Variants in COL4A6 observed in about 807,000 individuals in gnomAD.
COL4A6 encodes the protein collagen alpha-6(IV) chain.
A neutral mutation model predicts 126.7 loss-of-function variants in COL4A6; 59 were observed. The ratio of observed to expected loss-of-function variants is 0.47; its 90% CI spans 0.38 to 0.58. The LOEUF (loss-of-function observed/expected upper bound fraction) is 0.58, where lower values mean the gene tolerates loss of function less well. COL4A6 is among the 20% of genes least tolerant of loss of function. The probability of loss-of-function intolerance (pLI) is 0.00; values close to 1 mark genes in which losing one functional copy is unlikely to be tolerated. For missense variants in COL4A6, 1,285 were observed against 1,337.3 expected (o/e 0.96, Z 0.61); for synonymous variants, 547 against 496.6 (o/e 1.10, Z -1.35).
intron 2 of COL4A6, among the ~76,000 whole-genome samples, chrX:108,407,345 G>A (rs1189837252): frequency 8.9e-6 from 1 of 112,076 alleles, no homozygotes; most frequent in Non-Finnish European, 1.9e-5. Context: ...AAAAGGTTGG[G>A]ACTCTTGATT....
chrX:108,425,950 G>A (rs1236536931), intron 2 of COL4A6, among the ~76,000 whole-genome samples: 1 of 111,226 alleles, frequency 9.0e-6, no homozygotes, highest in African/African-American at 3.3e-5. Context: ...TGTTCTAATA[G>A]AGTGTCCCAT....
chrX:108,295,750 T>C (rs2038305041), intron 3 of COL4A6, among the ~76,000 whole-genome samples: 1 of 111,504 alleles, frequency 9.0e-6, no homozygotes. Context: ...TGGAAACATA[T>C]GGGTTTTATT....
intron 3 of COL4A6, among the ~76,000 whole-genome samples, chrX:108,278,148 C>A (rs1352565994): frequency 8.9e-6 from 1 of 112,343 alleles, no homozygotes; most frequent in African/African-American, 3.2e-5. Flanking sequence ...CGGAGAATGC[C>A]TTTGACGAGT....
At chrX:108,360,176 T>C (rs2040051054) in intron 2 of COL4A6, among the ~76,000 whole-genome samples, 1 of 112,391 alleles carries the variant, frequency 8.9e-6, no homozygotes. Flanking sequence ...TTCATTCTTG[T>C]CAATATCCAA....
intron 36 of COL4A6, 29 bp from the exon 37 acceptor site, chrX:108,169,649 G>A: frequency 8.4e-7 from 1 of 1,186,375 alleles, no homozygotes; most frequent in Non-Finnish European, 1.1e-6. Flanking sequence ...GTAGGGGGCA[G>A]ACCTCAGTGG....
rs369199678 is a variant in COL4A6, at chrX:108,179,299, A to G, written c.2271T>C (p.Asn757=). The G allele has an allele frequency of 6.6e-6, 8 of 1,211,268 alleles. No individual in the cohort carries two copies. Among genetic ancestry groups the G allele is most frequent in the East Asian group, 5.9e-5 (2 of 33,805 alleles). The change falls in exon 26 of 45, where the codon AAT becomes AAC. Residue 757 remains asparagine, a synonymous_variant. Coordinates refer to ENST00000334504, the MANE Select transcript of COL4A6 (RefSeq NM_033641.4). ...GTAGGCCTTGTTCCCCCGGAGCACC[A>G]TTTTCAGCACCAAAGATGTCACCAG... The part of the protein sequence containing the change: ...GATGDIFGAE[N]GAPGEQGLQG...
At chrX:108,231,696 C>A (rs188510899) in intron 3 of COL4A6, among the ~76,000 whole-genome samples, 44 of 111,659 alleles carry the variant, frequency 3.9e-4, no homozygotes, top group Non-Finnish European at 3.0e-4. Flanking sequence ...GCTCTGAACG[C>A]AGAGACACAA....
At chrX:108,430,752 C>A (rs1379565891) in intron 2 of COL4A6, among the ~76,000 whole-genome samples, 1 of 111,497 alleles carries the variant, frequency 9.0e-6, no homozygotes, top group Non-Finnish European at 1.9e-5. Context: ...TGACATTTAA[C>A]AAAAATAAAA....
At chrX:108,167,960 C>T in intron 37 of COL4A6, among the ~76,000 whole-genome samples, 2 of 111,643 alleles carry the variant, frequency 1.8e-5, no homozygotes, top group Middle Eastern at 4.7e-3. Context: ...TCATCATCCT[C>T]TTCCTTTTTC....
At chrX:108,290,811 C>T (rs1157013222) in intron 3 of COL4A6, among the ~76,000 whole-genome samples, 1 of 112,266 alleles carries the variant, frequency 8.9e-6, no homozygotes, top group Non-Finnish European at 1.9e-5. Flanking sequence ...AGAGCTAAAT[C>T]CTTTGAACTC....
At chrX:108,222,366 C>T (rs2036041418) in intron 3 of COL4A6, among the ~76,000 whole-genome samples, 1 of 112,384 alleles carries the variant, frequency 8.9e-6, no homozygotes, top group African/African-American at 3.2e-5. Context: ...TTCCCATCTC[C>T]ACCTCTTGGC....
intron 3 of COL4A6, among the ~76,000 whole-genome samples, chrX:108,262,920 A>T (rs2037204007): frequency 9.0e-6 from 1 of 111,525 alleles, no homozygotes; most frequent in African/African-American, 3.3e-5. Context: ...AACCCTCATC[A>T]AAAACCTTTC....
intron 3 of COL4A6, among the ~76,000 whole-genome samples, chrX:108,257,342 T>A (rs1042629880): frequency 1.8e-5 from 2 of 112,017 alleles, no homozygotes; most frequent in Non-Finnish European, 3.8e-5. Context: ...GTAGCAGTCA[T>A]GCTTGGATCT....
At chrX:108,323,937 T>C (rs2039089808) in intron 2 of COL4A6, among the ~76,000 whole-genome samples, 1 of 112,225 alleles carries the variant, frequency 8.9e-6, no homozygotes, top group Admixed American at 9.5e-5. Context: ...TGTATGTCCT[T>C]CTACATCGTG....
Position 108,300,759 on chromosome X carries a change from G to A in COL4A6, c.144+9989C>T, listed in dbSNP as rs752342902. Among the ~76,000 whole-genome samples the A allele has an allele frequency of 9.9e-4, 108 of 108,918 alleles. 4 individuals are homozygous for A. The East Asian group carries it at 0.029, about 30-fold the overall frequency. 94.6% of individuals were successfully genotyped at this position (108,918 alleles called of 115,157 possible). A position where few individuals can be genotyped will look rare whatever the true frequency, so the allele number is the denominator to read the frequency against. On this transcript the variant is annotated intron_variant, in intron 3 of 44. Coordinates refer to ENST00000334504, the MANE Select transcript of COL4A6 (RefSeq NM_033641.4). ...TGTGTGTGTGTGTGTGTGTGTAGCCGCCCTAAGTAGAAGTCTGGTACTTAT... is the reference window on the plus strand; with the variant it reads ...TGTGTGTGTGTGTGTGTGTGTAGCCACCCTAAGTAGAAGTCTGGTACTTAT...
chrX:108,209,501 T>C (rs1404890525), intron 8 of COL4A6, among the ~76,000 whole-genome samples: 1 of 111,626 alleles, frequency 9.0e-6, no homozygotes, highest in East Asian at 2.8e-4. Flanking sequence ...GTGACGACAA[T>C]GTGGAATCTC....
chrX:108,175,557 G>C, intron 29 of COL4A6, 97 bp downstream of exon 29: 1 of 972,927 alleles, frequency 1.0e-6, no homozygotes, highest in African/African-American at 1.9e-5. Context: ...ATCTAACATA[G>C]ATTTGGTACA....
At chrX:108,411,770 G>C (rs185309988) in intron 2 of COL4A6, among the ~76,000 whole-genome samples, 53 of 111,939 alleles carry the variant, frequency 4.7e-4, no homozygotes, top group African/African-American at 1.7e-3. Context: ...AATCCCGGGT[G>C]CTTGTGCATG....
chrX:108,398,638 T>C, intron 2 of COL4A6, among the ~76,000 whole-genome samples: 1 of 110,952 alleles, frequency 9.0e-6, no homozygotes, highest in Non-Finnish European at 1.9e-5. Flanking sequence ...ATGAAAAAAT[T>C]CAAAACTAAA....
Sources: allele counts gnomAD v4.1 joint callset (sites outside exome capture counted in the v4.1 genomes callset), GRCh38; gene constraint gnomAD v4.1.1; transcripts MANE v1.5; gene names NCBI Gene and HGNC (gene_info 2026-07-23, HGNC 2026-07-21).